The following MARS1 variants were observed in gnomAD, a reference collection of about 807,000 sequenced individuals.
The protein encoded by MARS1 is methionine--tRNA ligase, cytoplasmic.
A neutral mutation model predicts 119.5 loss-of-function variants in MARS1; 80 were observed. The observed-to-expected ratio is 0.67, with a 90% CI of 0.56 to 0.81. MARS1 has a LOEUF of 0.81. Ranked by LOEUF, MARS1 falls within the 30% of genes least tolerant of loss-of-function variation. The pLI is 0.00. For synonymous variants in MARS1, 418 were observed against 433.4 expected (o/e 0.96, Z 0.44); for missense variants, 945 against 1,116.5 (o/e 0.85, Z 2.19).
chr12:57,503,297 G>A (rs1339382773), intron 10 of MARS1, among the ~76,000 whole-genome samples: 3 of 149,624 alleles, frequency 2.0e-5, no homozygotes, highest in Admixed American at 1.3e-4. Context: ...GCAATGGCGC[G>A]ATCTCAGCTC....
chr12:57,492,705 AC>A (rs1876047548), intron 7 of MARS1, among the ~76,000 whole-genome samples: 1 of 137,972 alleles, frequency 7.2e-6, no homozygotes, highest in African/African-American at 2.8e-5. Context: ...ACACACACAC[AC>A]ACACACACAG....
At chr12:57,500,599 G>A (rs1794750227) in intron 10 of MARS1, 77 bp downstream of exon 10, 1 of 1,419,606 alleles carries the variant, frequency 7.0e-7, no homozygotes. Context: ...GTCCCATTTA[G>A]GATTTTTATT....
Position 57,516,546 on chromosome 12 carries a change from C to T in MARS1, c.2668C>T (p.Pro890Ser). Reference protein sequence around the residue: ...KKQLAVAEGKPPEAPKGKKKK With the variant: ...KKQLAVAEGKSPEAPKGKKKK ...ACAGTTGGCTGTAGCTGAGGGGAAA[C>T]CCCCTGAAGCCCCTAAAGGCAAGAA... Residue 890 changes from proline to serine, a missense_variant, in exon 21 of 21, where the codon CCC (proline) becomes TCC (serine). By Grantham distance (74) the Pro-to-Ser change is moderately conservative. Coordinates refer to ENST00000262027, the MANE Select transcript of MARS1 (RefSeq NM_004990.4). The T allele has an allele frequency of 6.3e-7, 1 of 1,595,336 alleles. No individual in the cohort carries two copies. The highest frequency in any genetic ancestry group is 8.5e-7 in the Non-Finnish European group (1 of 1,174,874).
rs112687648 is a variant in MARS1 at position 57,510,421 on chromosome 12, TGA to T, written c.1369-1274_1369-1273del. On this transcript the variant is annotated intron_variant, in intron 11 of 20. Transcript: ENST00000262027. ...TGGAGGTGGGGAGGTTGCAGTGAGC[TGA>T]GATCGTGCCACTGCACTCCAGCCCG... is the stretch of plus-strand genomic sequence containing the variant. 4.6e-5 allele frequency among the ~76,000 whole-genome samples: 7 copies of T among 150,936 alleles called. 2 individuals are homozygous for T. Among genetic ancestry groups the T allele is most frequent in the African/African-American group, 1.7e-4 (7 of 41,048 alleles).
At chr12:57,497,822 T>C (rs1045148977) in intron 7 of MARS1, among the ~76,000 whole-genome samples, 2 of 152,176 alleles carry the variant, frequency 1.3e-5, no homozygotes, top group South Asian at 2.1e-4. Flanking sequence ...AGGGTAATGA[T>C]TGGACAGAGC....
chr12:57,513,131 A>G (rs768147816), intron 15 of MARS1, among the ~76,000 whole-genome samples, 167 bp downstream of exon 15: 18 of 152,182 alleles, frequency 1.2e-4, no homozygotes, highest in Non-Finnish European at 2.9e-5. Context: ...ATACTAGGCT[A>G]TGTGTGCTTG....
intron 7 of MARS1, 136 bp downstream of exon 7, chr12:57,490,780 CTTTTTTTTTTTT>C (rs35674919): frequency 7.8e-6 from 2 of 255,600 alleles, no homozygotes; most frequent in Non-Finnish European, 1.4e-5. Flanking sequence ...TCTTACATCT[CTTTTTTTTTTTT>C]TTTTTTTTTT....
At position 57,490,284 on chromosome 12, in the gene MARS1, C is replaced by T; in HGVS notation, c.568C>T (p.Leu190=). 1 of 1,613,464 alleles carries T rather than the reference C, an allele frequency of 6.2e-7. No homozygotes were observed. The highest frequency in any genetic ancestry group is 8.5e-7 in the Non-Finnish European group (1 of 1,180,028). Residue 190 remains leucine, a synonymous_variant, in exon 6 of 21, where the codon CTG becomes TTG. Transcript: ENST00000262027. ...EPCQRAAETV[L]KQQGVLALRP... Reference sequence around the variant, plus strand: ...ATGTCAGCGAGCTGCAGAGACTGTACTGAAACAGCAAGGTGTCCTGGCTCT... The same window carrying T: ...ATGTCAGCGAGCTGCAGAGACTGTATTGAAACAGCAAGGTGTCCTGGCTCT...
intron 11 of MARS1, among the ~76,000 whole-genome samples, chr12:57,507,334 G>A (rs1343704476): frequency 5.4e-4 from 79 of 147,334 alleles, no homozygotes; most frequent in Non-Finnish European, 9.6e-4. Flanking sequence ...AACCGCCATT[G>A]TCATCATGGC....
chr12:57,488,755 G>T lies in MARS1; in HGVS notation c.110-264G>T, dbSNP rs990485315. The stretch of plus-strand genomic sequence containing the variant: ...AGTTACTTTCAGTCGTTAAGTTCTT[G>T]GCTGCAGCACTATCCCAATACCACC... On this transcript the variant is annotated intron_variant, in intron 1 of 20. Transcript: ENST00000262027. The T allele has an allele frequency of 4.2e-6, 5 of 1,204,110 alleles. No individual in the cohort carries two copies. The African/African-American group carries it at 4.6e-5, about 11-fold the overall frequency. The allele number at this position is 1,204,110 out of a possible 1,614,324, so 74.6% of individuals were successfully genotyped here.
chr12:57,490,746 A>T, intron 7 of MARS1, 102 bp downstream of exon 7: 1 of 694,778 alleles, frequency 1.4e-6, no homozygotes, highest in South Asian at 1.9e-5. Context: ...ATCTCTCTTT[A>T]ATTTTTCATC....
chr12:57,498,238 C>G lies in MARS1; in HGVS notation c.852C>G (p.Ile284Met). 1 of 1,614,222 alleles carries G rather than the reference C, an allele frequency of 6.2e-7. No individual in the cohort carries two copies. Among genetic ancestry groups the G allele is most frequent in the African/African-American group, 1.3e-5 (1 of 75,058 alleles). The change falls in exon 8 of 21, where the codon ATC becomes ATG. Residue 284 changes from isoleucine to methionine, a missense_variant. Transcript: ENST00000262027. Reference protein sequence around the residue: ...YVNNVPHLGNIIGCVLSADVF... With the variant: ...YVNNVPHLGNMIGCVLSADVF... Reference sequence around the variant, plus strand: ...ACAATGTCCCCCACCTTGGGAACATCATTGGTTGTGTGCTCAGTGCCGATG... The same window carrying G: ...ACAATGTCCCCCACCTTGGGAACATGATTGGTTGTGTGCTCAGTGCCGATG...
chr12:57,504,297 A>G lies in MARS1; in HGVS notation c.1366A>G (p.Lys456Glu), dbSNP rs1395622723. The G allele has an allele frequency of 7.4e-6, 12 of 1,613,840 alleles. No homozygotes were observed. The highest frequency in any genetic ancestry group is 9.3e-6 in the Non-Finnish European group (11 of 1,179,844). Residue 456 changes from lysine to glutamate, a missense_variant and splice_region_variant, in exon 11 of 21, where the codon AAG becomes GAG. Lys to Glu is a moderately conservative substitution (Grantham distance 56). Transcript: ENST00000262027. ...CCAGCACCTGTTTCTGGACCTGCCT[A>G]AGGTAAGTGAGCTTTTCTCTCAACC... ...SSQHLFLDLP[K>E]LEKRLEEWLG...
intron 10 of MARS1, among the ~76,000 whole-genome samples, chr12:57,502,177 A>G (rs1458267007): frequency 6.6e-6 from 1 of 152,172 alleles, no homozygotes; most frequent in Non-Finnish European, 1.5e-5. Flanking sequence ...GATGGTCAGG[A>G]AAAAGATGCC....
intron 11 of MARS1, among the ~76,000 whole-genome samples, chr12:57,510,386 C>T (rs575143503): frequency 4.6e-5 from 7 of 151,980 alleles, no homozygotes; most frequent in African/African-American, 1.2e-4. Context: ...GCAGGAGAAT[C>T]GCTTGAACCT....
chr12:57,509,864 T>C (rs1323288133), intron 11 of MARS1, among the ~76,000 whole-genome samples: 1 of 152,210 alleles, frequency 6.6e-6, no homozygotes, highest in Non-Finnish European at 1.5e-5. Flanking sequence ...CATTTACTTA[T>C]TAGCTCAATC....
At chr12:57,489,371 AG>A in intron 3 of MARS1, 26 bp downstream of exon 3, 1 of 1,614,110 alleles carries the variant, frequency 6.2e-7, no homozygotes, top group Non-Finnish European at 8.5e-7. Flanking sequence ...GGGGGATGTC[AG>A]GCAGGCCCTT....
intron 11 of MARS1, among the ~76,000 whole-genome samples, chr12:57,507,785 G>T (rs1176509513): frequency 6.7e-6 from 1 of 150,162 alleles, no homozygotes; most frequent in African/African-American, 2.4e-5. Flanking sequence ...GGACGGGGCG[G>T]CTGGCCGGGC....
At chr12:57,509,959 G>T (rs1018940085) in intron 11 of MARS1, among the ~76,000 whole-genome samples, 1 of 152,144 alleles carries the variant, frequency 6.6e-6, no homozygotes, top group Non-Finnish European at 1.5e-5. Context: ...TTTAGGATTT[G>T]TTGGCAATCC....
Sources: gnomAD v4.1 joint callset for allele counts (sites outside exome capture counted in the v4.1 genomes callset) on GRCh38, gnomAD v4.1.1 for gene constraint, MANE v1.5 for transcripts, NCBI Gene and HGNC (gene_info 2026-07-23, HGNC 2026-07-21) for gene names.